Variants in C4orf50 observed in about 807,000 individuals in gnomAD.
C4orf50 encodes uncharacterized protein C4orf50.
Under a neutral mutation model 77.2 loss-of-function variants are expected in C4orf50, and 80 were observed. The observed-to-expected ratio is 1.04, with a 90% CI of 0.87 to 1.25. C4orf50 has a LOEUF of 1.25. C4orf50 is among the 50% of genes most tolerant of loss of function. The pLI is 0.00. For missense variants in C4orf50, 1,257 were observed against 1,152.9 expected (o/e 1.09, Z -1.31); for synonymous variants, 532 against 465.3 (o/e 1.14, Z -1.84).
rs1206279246 is a variant in C4orf50, at chr4:6,015,059, T to C, written c.287+3086A>G. ...CACCAACCTTTCTAGAAGATTTGAA[T>C]GTACAACCCTGTATGGGCCTACGCT... On this transcript the variant is annotated intron_variant, in intron 23 of 33. Coordinates refer to ENST00000531445, the Ensembl canonical transcript of C4orf50. This position sits in a 1 kb window ranked among gnomAD's most constrained non-coding sequence, Gnocchi z 4.4. Among the ~76,000 whole-genome samples the C allele has an allele frequency of 6.6e-6, 1 of 152,160 alleles. No individual in the cohort carries two copies. The highest frequency in any genetic ancestry group is 1.5e-5 in the Non-Finnish European group (1 of 68,028).
Position 6,003,418 on chromosome 4 carries a change from GAGGGTGGCA to G in C4orf50, c.963+4569_963+4577del, listed in dbSNP as rs559118763. Among the ~76,000 whole-genome samples the G allele has an allele frequency of 2.4e-3, 369 of 152,142 alleles. 1 individual carries two copies. Among genetic ancestry groups the G allele is most frequent in the African/African-American group, 8.2e-3 (340 of 41,488 alleles). ...CACAAGCCCAGGAAGAGATGAGGAG[GAGGGTGGCA>G]ATGGTGATGGTGATAGTGATGAGGG... On this transcript the variant is annotated intron_variant, in intron 25 of 33. Coordinates refer to ENST00000531445, the Ensembl canonical transcript of C4orf50.
rs1560601842 is a variant in C4orf50 at position 6,008,158 on chromosome 4, G to GGTGGCCCGGTGCTCC, written c.786_800dup (p.His264_Glu268dup). On this transcript the variant is annotated inframe_insertion, in exon 25 of 34. Coordinates refer to ENST00000531445, the Ensembl canonical transcript of C4orf50. This position sits in a 1 kb window ranked among gnomAD's most constrained non-coding sequence, Gnocchi z 6.0. Reference sequence around the variant, plus strand: ...CCAGCTGCCCGCGGAGCTGGCGCTCGGTGGCCCGGTGCTCCTGCAGGCTGC... The same window carrying GGTGGCCCGGTGCTCC: ...CCAGCTGCCCGCGGAGCTGGCGCTCGGTGGCCCGGTGCTCCGTGGCCCGGTGCTCCTGCAGGCTGC... 4 of 398,676 alleles carry GGTGGCCCGGTGCTCC rather than the reference G, an allele frequency of 1.0e-5. No individual in the cohort carries two copies. The highest frequency in any genetic ancestry group is 8.2e-5 in the African/African-American group (4 of 48,616). 24.7% of individuals were successfully genotyped at this position (398,676 alleles called of 1,614,324 possible).
Position 5,922,091 on chromosome 4 carries a change from C to T in C4orf50, c.*2475-23903G>A, listed in dbSNP as rs375093631. On this transcript the variant is annotated intron_variant, in intron 7 of 7. Transcript: ENST00000324058. ...AGAGGAGATACACACTTGAGAGATC[C>T]CAGGGTGGCTGCCTCAGCTCAGATC... is the stretch of plus-strand genomic sequence containing the variant. Among the ~76,000 whole-genome samples the T allele has an allele frequency of 2.6e-5, 4 of 152,140 alleles. No individual in the cohort carries two copies. In the South Asian group the frequency reaches 6.2e-4, roughly 24 times the overall value.
At position 5,998,011 on chromosome 4, in the gene C4orf50, A is replaced by G. The variant is rs372406768; in HGVS notation, c.964-3535T>C. Among the ~76,000 whole-genome samples, 624 of 152,372 alleles carry G rather than the reference A, an allele frequency of 4.1e-3. 6 individuals are homozygous for G. The highest frequency in any genetic ancestry group is 0.014 in the African/African-American group (588 of 41,590). ...AGAGCTGAGATAAACATGACTGTAC[A>G]TGACTCTTCTGCACCTCCAATCACT... On this transcript the variant is annotated intron_variant, in intron 25 of 33. Coordinates refer to ENST00000531445, the Ensembl canonical transcript of C4orf50.
rs531451934 is a variant in C4orf50 at position 5,968,889 on chromosome 4, G to GT, written c.4105-1428dup. ...TGACTTCTGGGTGGCCCTGCATTCG[G>GT]TATGTGGTTGGGGTGCAAGGACCCT... On this transcript the variant is annotated intron_variant, in intron 31 of 33. Transcript: ENST00000531445. Among the ~76,000 whole-genome samples, 31 of 152,264 alleles carry GT rather than the reference G, an allele frequency of 2.0e-4. 1 individual carries two copies. In the East Asian group the frequency reaches 5.0e-3, roughly 25 times the overall value.
chr4:5,956,945 G>A (rs1436946095), downstream of C4orf50: 1 of 152,274 alleles, frequency 6.6e-6, no homozygotes, highest in African/African-American at 2.4e-5. Context: ...GCATCTGATG[G>A]GTGGCAAGGA....
chr4:6,004,027 G>GTGATAGTGATGATGGTGATGGTGATGA (rs1722025668), intron 25 of C4orf50, among the ~76,000 whole-genome samples: 1 of 30,752 alleles, frequency 3.3e-5, no homozygotes, highest in African/African-American at 1.7e-4. Flanking sequence ...TGGTGATAAT[G>GTGATAGTGATGATGGTGATGGTGATGA]TGATAGTGAT....
chr4:5,982,004 G>C (rs551609661), intron 28 of C4orf50, among the ~76,000 whole-genome samples: 39 of 152,214 alleles, frequency 2.6e-4, no homozygotes, highest in African/African-American at 9.1e-4. Flanking sequence ...GGTGACTCCA[G>C]GGCTGCTGGG....
chr4:5,945,490 T>C (rs1206621932), intron 7 of C4orf50, among the ~76,000 whole-genome samples: 4 of 152,302 alleles, frequency 2.6e-5, no homozygotes, highest in East Asian at 1.9e-4. Context: ...GGCTCGTGAA[T>C]GTGAGCCTGG....
rs974288879 is a variant in C4orf50, at chr4:5,932,047, C to A, written c.*2474+24854G>T. 1.4e-5 allele frequency among the ~76,000 whole-genome samples: 2 copies of A among 141,668 alleles called. No individual in the cohort carries two copies. The highest frequency in any genetic ancestry group is 1.4e-4 in the Admixed American group (2 of 14,188). The allele number at this position is 141,668 out of a possible 152,430, so 92.9% of individuals were successfully genotyped here. On this transcript the variant is annotated intron_variant, in intron 7 of 7. Transcript: ENST00000324058. The surrounding 1 kb of genome is among the most constrained non-coding windows in gnomAD (Gnocchi z 4.2). ...CAAAATGCTAAGCTCTTCCCAACGC[C>A]CCCCCGCCCCCCACCCCTGCCAACT...
rs11723735 is a variant in C4orf50, at chr4:5,970,292, A to G, written c.4105-2830T>C. Among the ~76,000 whole-genome samples, 604 of 152,248 alleles carry G rather than the reference A, an allele frequency of 4.0e-3. 4 individuals carry two copies. Among genetic ancestry groups the G allele is most frequent in the Non-Finnish European group, 7.0e-3 (475 of 68,014 alleles). ...TTAAGAACTCTAGAGAGGTTTTAGGAATCCGAGAACAGCCTTCCCTGAGGG... is the reference window on the plus strand; with the variant it reads ...TTAAGAACTCTAGAGAGGTTTTAGGGATCCGAGAACAGCCTTCCCTGAGGG... On this transcript the variant is annotated intron_variant, in intron 31 of 33. Coordinates refer to ENST00000531445, the Ensembl canonical transcript of C4orf50. The surrounding 1 kb of genome is among the most constrained non-coding windows in gnomAD (Gnocchi z 4.3).
chr4:6,013,798 T>A (rs115990722), intron 23 of C4orf50, among the ~76,000 whole-genome samples: 65 of 152,230 alleles, frequency 4.3e-4, no homozygotes, highest in African/African-American at 1.6e-3. Flanking sequence ...CCCTCCAGCC[T>A]CGGAGAGGGC....
intron 7 of C4orf50, among the ~76,000 whole-genome samples, chr4:5,922,376 C>T (rs1025251904): frequency 8.5e-5 from 13 of 152,196 alleles, no homozygotes; most frequent in Non-Finnish European, 1.8e-4. Context: ...CCTTGTGGGT[C>T]GGGTAACTCA....
intron 25 of C4orf50, among the ~76,000 whole-genome samples, chr4:5,996,050 C>T (rs1178940736): frequency 3.3e-5 from 5 of 152,196 alleles, no homozygotes; most frequent in Non-Finnish European, 4.4e-5. Flanking sequence ...AGGGTCAGCA[C>T]GAATGCTGAA....
chr4:5,967,861 G>A (rs1322176688), intron 31 of C4orf50, among the ~76,000 whole-genome samples: 1 of 152,222 alleles, frequency 6.6e-6, no homozygotes, highest in Non-Finnish European at 1.5e-5. Flanking sequence ...GAATCTGAGT[G>A]CACCACCTGC....
chr4:5,915,447 G>A (rs1716989947), intron 7 of C4orf50, among the ~76,000 whole-genome samples: 1 of 152,200 alleles, frequency 6.6e-6, no homozygotes. Context: ...TTGGAAAGAG[G>A]GACCTTGGCT....
intron 7 of C4orf50, among the ~76,000 whole-genome samples, chr4:5,922,191 C>T (rs1405538936): frequency 6.6e-6 from 1 of 152,196 alleles, no homozygotes; most frequent in African/African-American, 2.4e-5. Flanking sequence ...GCAGGGAAAG[C>T]TAATCCCAGA....
intron 24 of C4orf50, among the ~76,000 whole-genome samples, chr4:6,010,397 C>A (rs1056748415): frequency 6.6e-6 from 1 of 152,206 alleles, no homozygotes; most frequent in East Asian, 1.9e-4. Context: ...TATCTTTCCA[C>A]TTCCACTTCT....
intron 7 of C4orf50, among the ~76,000 whole-genome samples, chr4:5,930,013 C>A (rs372759129): frequency 2.6e-5 from 4 of 152,154 alleles, no homozygotes; most frequent in African/African-American, 9.7e-5. Flanking sequence ...TTAAATTGTG[C>A]GCCTGTGTCT....
Sources: allele counts gnomAD v4.1 joint callset (sites outside exome capture counted in the v4.1 genomes callset), GRCh38; gene constraint gnomAD v4.1.1; non-coding constraint Gnocchi (gnomAD v3.1); transcripts MANE v1.5; gene names NCBI Gene and HGNC (gene_info 2026-07-23, HGNC 2026-07-21).